HDAC9: variants seen among roughly 807,000 people sequenced by gnomAD.
The protein encoded by HDAC9 is histone deacetylase 9, also known as MEF-2 interacting transcription repressor (MITR) protein.
In HDAC9, 41 loss-of-function variants were observed where a neutral mutation model predicts 139.4. The ratio of observed to expected loss-of-function variants is 0.29; its 90% CI spans 0.23 to 0.38. HDAC9 has a LOEUF of 0.38. Ranked by LOEUF, HDAC9 falls within the 10% of genes least tolerant of loss-of-function variation. HDAC9 has a pLI of 1.00. For synonymous variants in HDAC9, 517 were observed against 476.2 expected (o/e 1.09, Z -1.12); for missense variants, 1,147 against 1,297.0 (o/e 0.88, Z 1.78).
At chr7:18,439,723 A>T (rs2128090596) in intron 1 of HDAC9, among the ~76,000 whole-genome samples, 1 of 152,328 alleles carries the variant, frequency 6.6e-6, no homozygotes, top group East Asian at 1.9e-4. Context: ...AATGTATAAT[A>T]TGTAGAAAGA....
chr7:18,214,171 A>G (rs754946652), intron 2 of HDAC9, among the ~76,000 whole-genome samples: 66 of 152,226 alleles, frequency 4.3e-4, no homozygotes, highest in Non-Finnish European at 6.2e-4. Flanking sequence ...TTAATATAAC[A>G]TTTTTATATT....
At chr7:18,783,271 ACT>A (rs1293145287) in intron 16 of HDAC9, among the ~76,000 whole-genome samples, 2 of 151,800 alleles carry the variant, frequency 1.3e-5, no homozygotes, top group Non-Finnish European at 1.5e-5. Context: ...TCCAAATAGA[ACT>A]CTTTCTTTAA....
chr7:18,279,107 A>G (rs1052967602), intron 2 of HDAC9, among the ~76,000 whole-genome samples: 2 of 152,234 alleles, frequency 1.3e-5, no homozygotes, highest in African/African-American at 4.8e-5. Flanking sequence ...TCTCTACCAA[A>G]TAACAAAATC....
At chr7:18,235,996 T>C (rs145073142) in intron 2 of HDAC9, among the ~76,000 whole-genome samples, 16 of 152,340 alleles carry the variant, frequency 1.1e-4, no homozygotes, top group African/African-American at 3.6e-4. Flanking sequence ...TGCATTATAC[T>C]GTATGAATCA....
intron 23 of HDAC9, among the ~76,000 whole-genome samples, chr7:18,939,805 CATT>C (rs1781897451): frequency 6.6e-6 from 1 of 152,140 alleles, no homozygotes; most frequent in South Asian, 2.1e-4. Flanking sequence ...AATTAGAACT[CATT>C]ATCTGGGATT....
At chr7:18,741,844 T>G (rs1228541274) in intron 13 of HDAC9, among the ~76,000 whole-genome samples, 1 of 152,166 alleles carries the variant, frequency 6.6e-6, no homozygotes, top group Non-Finnish European at 1.5e-5. Context: ...CCAGTTCTCA[T>G]GGATGACTTC....
intron 1 of HDAC9, among the ~76,000 whole-genome samples, chr7:18,142,145 T>C (rs1268030981): frequency 1.3e-5 from 2 of 152,108 alleles, no homozygotes; most frequent in Non-Finnish European, 2.9e-5. Context: ...CTAGAGAGTA[T>C]AGAGCAAGGC....
At chr7:18,649,161 G>T (rs182048818) in intron 11 of HDAC9, among the ~76,000 whole-genome samples, 42 of 152,252 alleles carry the variant, frequency 2.8e-4, no homozygotes, top group Admixed American at 2.4e-3. Flanking sequence ...TAAGCGTTTG[G>T]AGTAGTTTCT....
intron 24 of HDAC9, among the ~76,000 whole-genome samples, chr7:18,970,171 G>A (rs973262115): frequency 2.6e-5 from 4 of 152,090 alleles, no homozygotes; most frequent in South Asian, 2.1e-4. Flanking sequence ...TTTAGACCCC[G>A]TTGAAACAAA....
chr7:18,589,463 G>A (rs186057119), intron 3 of HDAC9, among the ~76,000 whole-genome samples: 1 of 152,284 alleles, frequency 6.6e-6, no homozygotes, highest in African/African-American at 2.4e-5. Context: ...GAGCCCAGGA[G>A]ATTGAGGCTG....
intron 16 of HDAC9, among the ~76,000 whole-genome samples, chr7:18,790,937 A>G (rs548507771): frequency 6.6e-6 from 1 of 152,202 alleles, no homozygotes; most frequent in Non-Finnish European, 1.5e-5. Flanking sequence ...CACAGTAGGT[A>G]CTCAATGAAT....
intron 2 of HDAC9, among the ~76,000 whole-genome samples, chr7:18,277,265 C>A (rs1468839217): frequency 6.6e-6 from 1 of 152,128 alleles, no homozygotes; most frequent in African/African-American, 2.4e-5. Context: ...GAAACAGTGG[C>A]AGGCTCTGCT....
At chr7:18,943,544 A>G (rs964686597) in intron 23 of HDAC9, among the ~76,000 whole-genome samples, 1 of 152,108 alleles carries the variant, frequency 6.6e-6, no homozygotes, top group Non-Finnish European at 1.5e-5. Context: ...TTTGGGTTTG[A>G]TATGGAACAG....
At position 18,829,226 on chromosome 7, in the gene HDAC9, A is replaced by T; in HGVS notation, c.2378+10A>T. ...AAGAATCCACAGCCATGTAAGTACC[A>T]GGGACTGTTGCCCATCTCCAAGCAC... On this transcript the variant is annotated intron_variant, in intron 18 of 25. Transcript: ENST00000686413. 1 of 1,605,444 alleles carries T rather than the reference A, an allele frequency of 6.2e-7. No homozygotes were observed. The highest frequency in any genetic ancestry group is 8.5e-7 in the Non-Finnish European group (1 of 1,172,032).
Position 18,591,519 on chromosome 7 carries a change from C to A in HDAC9, c.419C>A (p.Ala140Glu). 2 of 1,569,306 alleles carry A rather than the reference C, an allele frequency of 1.3e-6. No individual in the cohort carries two copies. Among genetic ancestry groups the A allele is most frequent in the Admixed American group, 1.9e-5 (1 of 52,658 alleles). The change falls in exon 5 of 26, where the codon GCA (alanine) becomes GAA (glutamate). Residue 140 changes from alanine to glutamate, a missense_variant. Ala to Glu is a moderately radical substitution (Grantham distance 107). This residue lies in a region of HDAC9 where 136 missense variants were observed against 183.5 expected (regional missense o/e 0.74). Coordinates refer to ENST00000686413, the MANE Select transcript of HDAC9 (RefSeq NM_178425.4). ...LRGKDRGRER[A>E]VASTEVKQKL... is the part of the protein sequence containing the mutation. ...TGTGTGTGTGTGTGTATTTCAGGGG[C>A]AGTGGCAAGTACAGAAGTAAAGCAG...
chr7:18,968,732 G>C (rs949166348), intron 24 of HDAC9, among the ~76,000 whole-genome samples: 8 of 152,034 alleles, frequency 5.3e-5, no homozygotes, highest in Admixed American at 2.0e-4. Context: ...GGCCGAGGCG[G>C]GCGGATCAGG....
At chr7:18,577,605 C>G (rs565994655) in intron 2 of HDAC9, among the ~76,000 whole-genome samples, 27 of 152,286 alleles carry the variant, frequency 1.8e-4, no homozygotes, top group African/African-American at 6.5e-4. Context: ...TTTATGTGAG[C>G]TTTGGCAAGC....
intron 1 of HDAC9, chr7:18,458,769 G>C: frequency 2.2e-6 from 2 of 904,858 alleles, no homozygotes; most frequent in Non-Finnish European, 3.5e-6. Flanking sequence ...GCTGGAGGTG[G>C]TGGCTCTTGC....
At chr7:18,222,496 T>C (rs1792773484) in intron 2 of HDAC9, among the ~76,000 whole-genome samples, 1 of 152,122 alleles carries the variant, frequency 6.6e-6, no homozygotes, top group Admixed American at 6.5e-5. Flanking sequence ...TTTTTTCTTA[T>C]TATAAAAGGA....
Sources: gnomAD v4.1 joint callset for allele counts (sites outside exome capture counted in the v4.1 genomes callset) on GRCh38, gnomAD v4.1.1 for gene constraint, gnomAD v4.1.1 regional missense constraint, MANE v1.5 for transcripts, NCBI Gene and HGNC (gene_info 2026-07-23, HGNC 2026-07-21) for gene names.